Variants in CTNNA2 observed in about 807,000 individuals in gnomAD.
The protein encoded by CTNNA2 is catenin alpha 2.
A neutral mutation model predicts 101.0 loss-of-function variants in CTNNA2; 42 were observed. That is an observed-to-expected ratio of 0.42 (90% CI 0.32 to 0.54). The LOEUF (loss-of-function observed/expected upper bound fraction) is 0.54, where lower values mean the gene tolerates loss of function less well. Ranked by LOEUF, CTNNA2 falls within the 20% of genes least tolerant of loss-of-function variation. CTNNA2 has a pLI of 0.14. For missense variants in CTNNA2, 871 were observed against 1,223.1 expected, an observed-to-expected ratio of 0.71 and a Z score of 4.29; for synonymous variants, 450 against 456.4, an observed-to-expected ratio of 0.99 and a Z score of 0.18.
At chr2:79,526,104 C>T (rs1360397938) in intron 1 of CTNNA2, among the ~76,000 whole-genome samples, 2 of 151,786 alleles carry the variant, frequency 1.3e-5, no homozygotes, top group East Asian at 3.8e-4. Flanking sequence ...CAAGTTAATA[C>T]CATATGAAAT....
At chr2:80,640,591 A>G (rs773409275) in intron 18 of CTNNA2, among the ~76,000 whole-genome samples, 2 of 152,200 alleles carry the variant, frequency 1.3e-5, no homozygotes, top group Non-Finnish European at 2.9e-5. Context: ...ACTCTGGAAA[A>G]TGTACGCAGG....
At chr2:79,414,304 C>G (rs1032710787) in intron 4 of CTNNA2, among the ~76,000 whole-genome samples, 2 of 151,920 alleles carry the variant, frequency 1.3e-5, no homozygotes, top group Non-Finnish European at 2.9e-5. Context: ...GGGAATTAAG[C>G]ATGAACCTCA....
At chr2:79,536,854 G>T (rs547607360) in intron 1 of CTNNA2, among the ~76,000 whole-genome samples, 1 of 152,052 alleles carries the variant, frequency 6.6e-6, no homozygotes, top group East Asian at 1.9e-4. Flanking sequence ...GGTGCATGCT[G>T]CCATGCCCAG....
chr2:79,455,262 G>A (rs756405986), intron 4 of CTNNA2, among the ~76,000 whole-genome samples: 5 of 152,162 alleles, frequency 3.3e-5, no homozygotes, highest in African/African-American at 4.8e-5. Context: ...CATAGTTTGG[G>A]ATGTTGCTAA....
intron 7 of CTNNA2, among the ~76,000 whole-genome samples, chr2:79,985,028 G>A (rs1271953096): frequency 1.3e-5 from 2 of 152,202 alleles, no homozygotes; most frequent in African/African-American, 4.8e-5. Context: ...AGGTTGAGAA[G>A]CAGAGACTGT....
intron 8 of CTNNA2, among the ~76,000 whole-genome samples, chr2:80,415,438 A>G (rs1162286045): frequency 6.6e-6 from 1 of 151,920 alleles, no homozygotes; most frequent in Non-Finnish European, 1.5e-5. Context: ...TTGTAGTGTA[A>G]AATTGTTTTT....
chr2:79,996,324 T>TTGC (rs1443590389), intron 7 of CTNNA2, among the ~76,000 whole-genome samples: 2 of 152,112 alleles, frequency 1.3e-5, no homozygotes, highest in Non-Finnish European at 2.9e-5. Context: ...TCTATGCAAA[T>TTGC]TGCTGCTTGA....
chr2:79,982,208 A>ATATATATATATCTATATATATC (rs1691339234), intron 7 of CTNNA2, among the ~76,000 whole-genome samples: 1 of 27,848 alleles, frequency 3.6e-5, no homozygotes, highest in East Asian at 9.4e-4. Flanking sequence ...ATATATATAT[A>ATATATATATATCTATATATATC]TATATATATA....
At chr2:79,513,713 CTG>C (rs1671654446) in intron 1 of CTNNA2, among the ~76,000 whole-genome samples, 1 of 124,518 alleles carries the variant, frequency 8.0e-6, no homozygotes, top group African/African-American at 3.1e-5. Context: ...GAAGAAGAAT[CTG>C]TGGATTTGTG....
At chr2:79,273,052 A>G (rs1275038313) in intron 2 of CTNNA2, among the ~76,000 whole-genome samples, 1 of 152,018 alleles carries the variant, frequency 6.6e-6, no homozygotes, top group Non-Finnish European at 1.5e-5. Flanking sequence ...GTGTTCCTCT[A>G]CTAAATTTGC....
intron 7 of CTNNA2, among the ~76,000 whole-genome samples, chr2:79,943,921 T>C (rs1402450516): frequency 3.3e-5 from 5 of 152,216 alleles, no homozygotes; most frequent in African/African-American, 1.2e-4. Context: ...AATGTGTTAG[T>C]TCTAGTATAA....
intron 7 of CTNNA2, among the ~76,000 whole-genome samples, chr2:80,332,104 C>T (rs186922751): frequency 2.0e-5 from 3 of 152,196 alleles, no homozygotes; most frequent in Non-Finnish European, 4.4e-5. Flanking sequence ...TATAATGAAA[C>T]AAGCAGGAAT....
At chr2:79,408,142 C>T (rs1336767945) in intron 4 of CTNNA2, among the ~76,000 whole-genome samples, 3 of 151,908 alleles carry the variant, frequency 2.0e-5, no homozygotes, top group South Asian at 2.1e-4. Context: ...AGAATCCGTC[C>T]CATCTTCTTC....
chr2:79,908,184 C>CAGTA (rs1215105452), intron 6 of CTNNA2, among the ~76,000 whole-genome samples: 2 of 152,090 alleles, frequency 1.3e-5, no homozygotes, highest in Non-Finnish European at 2.9e-5. Context: ...GCATTAAGTA[C>CAGTA]AGTAGTAGGC....
chr2:80,465,160 G>A (rs1174488926), intron 9 of CTNNA2, among the ~76,000 whole-genome samples: 3 of 152,106 alleles, frequency 2.0e-5, no homozygotes, highest in East Asian at 3.9e-4. Flanking sequence ...CTTACAATCA[G>A]GTAGGCTCTC....
At chr2:80,352,834 G>T (rs1440794413) in intron 7 of CTNNA2, among the ~76,000 whole-genome samples, 2 of 151,844 alleles carry the variant, frequency 1.3e-5, no homozygotes. Flanking sequence ...ACCAGGCAAT[G>T]AAGATATTTT....
At chr2:79,736,624 C>G (rs1309664113) in intron 2 of CTNNA2, among the ~76,000 whole-genome samples, 1 of 152,080 alleles carries the variant, frequency 6.6e-6, no homozygotes, top group African/African-American at 2.4e-5. Context: ...AACATTCACC[C>G]CAAAAATGTC....
At chr2:80,382,071 A>G (rs1676564673) in intron 7 of CTNNA2, among the ~76,000 whole-genome samples, 1 of 152,200 alleles carries the variant, frequency 6.6e-6, no homozygotes, top group South Asian at 2.1e-4. Flanking sequence ...TAAAAAGGGA[A>G]TGAGAGTAGG....
chr2:79,596,955 G>A (rs1356352502), intron 1 of CTNNA2, among the ~76,000 whole-genome samples: 2 of 152,186 alleles, frequency 1.3e-5, no homozygotes, highest in Non-Finnish European at 2.9e-5. Context: ...GTCCAGGACA[G>A]TCATGAGAAT....
Sources: gnomAD v4.1 joint callset for allele counts (sites outside exome capture counted in the v4.1 genomes callset) on GRCh38, gnomAD v4.1.1 for gene constraint, MANE v1.5 for transcripts, NCBI Gene and HGNC (gene_info 2026-07-23, HGNC 2026-07-21) for gene names.